The following NTRK2 variants were observed in gnomAD, a reference collection of about 807,000 sequenced individuals.
NTRK2 encodes the protein BDNF/NT-3 growth factors receptor.
A neutral mutation model predicts 94.5 loss-of-function variants in NTRK2; 13 were observed. That is an observed-to-expected ratio of 0.14 (90% confidence interval 0.09 to 0.22). The LOEUF (loss-of-function observed/expected upper bound fraction) is 0.22, where lower values mean the gene tolerates loss of function less well. Among genes scored for constraint, NTRK2 ranks in the 10% least tolerant of loss-of-function variants. The pLI, the probability that NTRK2 is intolerant of heterozygous loss-of-function variation, is 1.00. For synonymous variants in NTRK2, 372 were observed against 407.4 expected (o/e 0.91, Z 1.05); for missense variants, 639 against 1,071.2 (o/e 0.60, Z 5.63).
chr9:84,814,446 TTC>T, intron 12 of NTRK2: 6 of 1,065,372 alleles, frequency 5.6e-6, no homozygotes, highest in East Asian at 5.0e-5. Context: ...TGACTTTTTT[TTC>T]TCTCTCTCTC....
At chr9:84,681,701 C>T (rs1038507275) in intron 2 of NTRK2, among the ~76,000 whole-genome samples, 4 of 152,238 alleles carry the variant, frequency 2.6e-5, no homozygotes, top group Admixed American at 6.5e-5. Context: ...CCCTCTCTGC[C>T]CATACGCCAC....
intron 14 of NTRK2, among the ~76,000 whole-genome samples, chr9:84,868,527 G>A (rs1476732928): frequency 6.6e-6 from 1 of 152,220 alleles, no homozygotes; most frequent in African/African-American, 2.4e-5. Flanking sequence ...TTTAATGTGT[G>A]AGACTGGAAT....
At chr9:84,934,397 TC>T in intron 15 of NTRK2, 105 bp downstream of exon 15, 1 of 1,207,696 alleles carries the variant, frequency 8.3e-7, no homozygotes, top group Non-Finnish European at 1.2e-6. Context: ...AGTAAATTGT[TC>T]CTGCTATGAT....
chr9:84,678,310 C>A (rs1260247215), intron 2 of NTRK2, among the ~76,000 whole-genome samples: 1 of 152,194 alleles, frequency 6.6e-6, no homozygotes, highest in Admixed American at 6.5e-5. Flanking sequence ...TGTTAGCCGA[C>A]CTGGTCACTC....
intron 11 of NTRK2, among the ~76,000 whole-genome samples, chr9:84,746,497 G>T (rs1257768229): frequency 2.0e-5 from 3 of 152,158 alleles, no homozygotes; most frequent in Admixed American, 2.0e-4. Context: ...AGCAGCCAGA[G>T]TGATCTTTGT....
intron 12 of NTRK2, among the ~76,000 whole-genome samples, chr9:84,779,786 T>G (rs958433866): frequency 6.6e-6 from 1 of 152,208 alleles, no homozygotes; most frequent in East Asian, 1.9e-4. Context: ...GTGAGCAAGT[T>G]TGAAGAACTT....
rs74783678 is a variant in NTRK2, at chr9:84,957,602, C to T, written c.2172+2085C>T. 1.0e-2 allele frequency among the ~76,000 whole-genome samples: 1,520 copies of T among 152,256 alleles called. 19 individuals are homozygous for T. The highest frequency in any genetic ancestry group is 0.017 in the Non-Finnish European group (1,130 of 68,016). Reference sequence around the variant, plus strand: ...GATGACTACAATAGCAAGTGTTAGCCAGGCTGCAGAAAAATTGAAACTCTG... The same window carrying T: ...GATGACTACAATAGCAAGTGTTAGCTAGGCTGCAGAAAAATTGAAACTCTG... On this transcript the variant is annotated intron_variant, in intron 17 of 18. Coordinates refer to ENST00000277120, the MANE Select transcript of NTRK2 (RefSeq NM_006180.6).
intron 12 of NTRK2, among the ~76,000 whole-genome samples, chr9:84,779,634 C>CT (rs887232966): frequency 1.8e-4 from 27 of 152,212 alleles, no homozygotes; most frequent in African/African-American, 6.3e-4. Context: ...GTTGCTGCAC[C>CT]TTTTTTTGTT....
At chr9:85,003,829 A>C (rs1588161143) in intron 17 of NTRK2, among the ~76,000 whole-genome samples, 2 of 151,160 alleles carry the variant, frequency 1.3e-5, no homozygotes, top group South Asian at 4.2e-4. Context: ...AATGGGGTGC[A>C]ATCAGAATAT....
chr9:84,937,648 A>G (rs1564481488), intron 15 of NTRK2, among the ~76,000 whole-genome samples: 1 of 151,972 alleles, frequency 6.6e-6, no homozygotes, highest in Non-Finnish European at 1.5e-5. Flanking sequence ...TGATCTATCA[A>G]CCATTTTTTT....
At chr9:84,843,227 T>A (rs182737459) in intron 12 of NTRK2, among the ~76,000 whole-genome samples, 4 of 152,200 alleles carry the variant, frequency 2.6e-5, no homozygotes, top group Non-Finnish European at 5.9e-5. Context: ...GTTGGTTCCC[T>A]GGGTCTACAG....
intron 14 of NTRK2, among the ~76,000 whole-genome samples, chr9:84,925,640 A>C (rs2077736582): frequency 6.6e-6 from 1 of 152,112 alleles, no homozygotes; most frequent in South Asian, 2.1e-4. Context: ...CACCTCCCAC[A>C]AGAGTCTTGC....
intron 12 of NTRK2, among the ~76,000 whole-genome samples, chr9:84,776,687 CA>C (rs772425685): frequency 3.9e-5 from 6 of 152,164 alleles, no homozygotes; most frequent in Non-Finnish European, 8.8e-5. Flanking sequence ...GTGGCATGAA[CA>C]GCATATTTGT....
chr9:84,892,910 G>A lies in NTRK2; in HGVS notation c.1633+25479G>A, dbSNP rs578106112. ...GCACTCTAGCCTGGGCAACAAGAGC[G>A]AAACTCCATCTCAAAAAAAAAAAAA... On this transcript the variant is annotated intron_variant, in intron 14 of 18. Coordinates refer to ENST00000277120, the MANE Select transcript of NTRK2 (RefSeq NM_006180.6). Among the ~76,000 whole-genome samples the A allele has an allele frequency of 5.4e-5, 8 of 148,852 alleles. No homozygotes were observed. In the South Asian group the frequency reaches 1.3e-3, roughly 24 times the overall value.
At chr9:84,710,279 G>A (rs1287990427) in intron 5 of NTRK2, among the ~76,000 whole-genome samples, 1 of 152,118 alleles carries the variant, frequency 6.6e-6, no homozygotes, top group African/African-American at 2.4e-5. Context: ...AAAACTTCTT[G>A]TTGGCATCCT....
At chr9:84,850,147 T>C (rs1278488880) in intron 12 of NTRK2, among the ~76,000 whole-genome samples, 1 of 152,174 alleles carries the variant, frequency 6.6e-6, no homozygotes, top group African/African-American at 2.4e-5. Context: ...TTAATGTGAA[T>C]TTTGTTGAAT....
chr9:84,831,838 A>G (rs1288211691), intron 12 of NTRK2, among the ~76,000 whole-genome samples: 6 of 152,244 alleles, frequency 3.9e-5, no homozygotes, highest in African/African-American at 1.4e-4. Context: ...AGATTCTCAC[A>G]GTTCTCTTTT....
rs752393508 is a variant in NTRK2 at position 84,745,060 on chromosome 9, G to A, written c.1283G>A (p.Arg428Gln). 1.9e-5 allele frequency: 31 copies of A among 1,613,166 alleles called. 1 individual carries two copies. The South Asian group carries it at 2.4e-4, about 13-fold the overall frequency. ...PSTDVTDKTG[R>Q]EHLSVYAVVV... ...ACAGACGTCACTGATAAAACCGGTC[G>A]GGAACATCTCTCGGTGAGTGGAATA... The change falls in exon 11 of 19, where the codon CGG (arginine) becomes CAG (glutamine). Residue 428 changes from arginine (R) to glutamine (Q), a missense_variant. Physicochemically the swap from Arg to Gln is conservative, Grantham distance 43. This residue lies in a region of NTRK2 where 343 missense variants were observed against 571.5 expected (regional missense o/e 0.60). Coordinates refer to ENST00000277120, the MANE Select transcript of NTRK2 (RefSeq NM_006180.6).
chr9:84,782,047 C>CACACACACACAA (rs1297781417), intron 12 of NTRK2, among the ~76,000 whole-genome samples: 1 of 148,758 alleles, frequency 6.7e-6, no homozygotes, highest in African/African-American at 2.4e-5. Flanking sequence ...AACACACACA[C>CACACACACACAA]ACACACACAC....
Sources: allele counts gnomAD v4.1 joint callset (sites outside exome capture counted in the v4.1 genomes callset), GRCh38; gene constraint gnomAD v4.1.1; regional missense constraint gnomAD v4.1.1; transcripts MANE v1.5; gene names NCBI Gene and HGNC (gene_info 2026-07-23, HGNC 2026-07-21).